CLASP2: variants seen among roughly 807,000 people sequenced by gnomAD.
CLASP2 encodes the protein CLIP-associating protein 2.
CLASP2 carries 47 observed loss-of-function variants against 194.4 expected under a neutral mutation model. The observed-to-expected ratio is 0.24, with a 90% CI of 0.19 to 0.31. The LOEUF (loss-of-function observed/expected upper bound fraction) is 0.31, where lower values mean the gene tolerates loss of function less well. Ranked by LOEUF, CLASP2 falls within the 10% of genes least tolerant of loss-of-function variation. CLASP2 has a pLI of 1.00. For synonymous variants in CLASP2, 619 were observed against 633.5 expected, an observed-to-expected ratio of 0.98 and a Z score of 0.34; for missense variants, 1,445 against 1,823.6, an observed-to-expected ratio of 0.79 and a Z score of 3.78.
intron 2 of CLASP2, among the ~76,000 whole-genome samples, chr3:33,695,440 G>C (rs1415335035): frequency 1.3e-5 from 2 of 151,712 alleles, no homozygotes; most frequent in Admixed American, 6.6e-5. Flanking sequence ...AAAGGATGAA[G>C]TGGAACCTGG....
At chr3:33,535,140 G>A in intron 34 of CLASP2, 93 bp downstream of exon 34, 1 of 812,280 alleles carries the variant, frequency 1.2e-6, no homozygotes, top group Non-Finnish European at 2.0e-6. Context: ...GTTACTTTTT[G>A]GGAGTTATAA....
In CLASP2 at chr3:33,682,764, G is replaced by A. The variant is rs78654180; in HGVS notation, c.644+1595C>T. Among the ~76,000 whole-genome samples, 940 of 152,170 alleles carry A rather than the reference G, an allele frequency of 6.2e-3. 11 individuals carry two copies. Among genetic ancestry groups the A allele is most frequent in the Admixed American group, 7.1e-3 (109 of 15,280 alleles). ...TAGTTGAACAGGTTTTAAGAGTAGT[G>A]ACTAATTTAAAAAACAAAAACAAAA... On this transcript the variant is annotated intron_variant, in intron 6 of 38. Transcript: ENST00000682230.
At chr3:33,663,304 G>T in intron 7 of CLASP2, 141 bp downstream of exon 7, 1 of 462,658 alleles carries the variant, frequency 2.2e-6, no homozygotes, top group African/African-American at 2.0e-5. Context: ...TCAGCAGGAT[G>T]TAAATATTTT....
At chr3:33,610,234 C>A (rs994266463) in intron 13 of CLASP2, among the ~76,000 whole-genome samples, 1 of 152,144 alleles carries the variant, frequency 6.6e-6, no homozygotes. Flanking sequence ...ATCACCTCCT[C>A]ACCAAAAATC....
chr3:33,711,675 G>GA (rs112686664), intron 1 of CLASP2, among the ~76,000 whole-genome samples: 3 of 149,748 alleles, frequency 2.0e-5, no homozygotes, highest in Admixed American at 6.6e-5. Context: ...AATCAGCAAG[G>GA]AAAAAAAAAC....
chr3:33,596,953 T>C (rs2070561206), intron 18 of CLASP2, among the ~76,000 whole-genome samples: 3 of 152,186 alleles, frequency 2.0e-5, no homozygotes, highest in Non-Finnish European at 4.4e-5. Context: ...TAAAAGTTGA[T>C]AATGAGTCTA....
intron 36 of CLASP2, 128 bp downstream of exon 36, chr3:33,515,895 T>C: frequency 2.4e-6 from 2 of 819,160 alleles, no homozygotes; most frequent in Non-Finnish European, 3.5e-6. Flanking sequence ...TGCATCTCGA[T>C]CAGGTATTAC....
rs142514251 is a variant in CLASP2 at position 33,523,071 on chromosome 3, A to G, written c.3788-5897T>C. Among the ~76,000 whole-genome samples the G allele has an allele frequency of 1.6e-3, 244 of 152,278 alleles. 8 individuals are homozygous for G. In the East Asian group the frequency reaches 0.035, roughly 22 times the overall value. The stretch of plus-strand genomic sequence containing the variant: ...AGCCTGGGAGCCAGAGAGAGACTCC[A>G]TCTCAAAAACAAAAAACAAACAAAC... On this transcript the variant is annotated intron_variant, in intron 34 of 38. Coordinates refer to ENST00000682230, the MANE Select transcript of CLASP2 (RefSeq NM_001365631.1).
chr3:33,696,863 A>T lies in CLASP2; in HGVS notation c.266T>A (p.Val89Glu). The T allele has an allele frequency of 6.3e-7, 1 of 1,584,934 alleles. No individual in the cohort carries two copies. The highest frequency in any genetic ancestry group is 8.6e-7 in the Non-Finnish European group (1 of 1,161,640). The change falls in exon 2 of 39, where the codon GTA becomes GAA. Residue 89 changes from valine to glutamate, a missense_variant. Val to Glu is a moderately radical substitution (Grantham distance 121). Transcript: ENST00000682230. ...AAACAAAGTTAACTTACCCATTGCT[A>T]CATAGGATTTAAAGCGTGTTGATAA... ...DRLSTRFKSY[V>E]AMVIVALIDR...
chr3:33,555,588 G>A (rs1473352658), intron 29 of CLASP2, among the ~76,000 whole-genome samples: 6 of 151,994 alleles, frequency 3.9e-5, no homozygotes, highest in Admixed American at 1.3e-4. Flanking sequence ...GGCTAGTCTC[G>A]AACTGCTGGG....
intron 13 of CLASP2, 31 bp from the exon 14 acceptor site, chr3:33,608,657 T>C (rs1251550155): frequency 1.4e-6 from 2 of 1,480,190 alleles, no homozygotes; most frequent in Non-Finnish European, 1.9e-6. Flanking sequence ...GATAACTAAA[T>C]GTTGTATTGA....
At chr3:33,670,090 A>T (rs372491641) in intron 6 of CLASP2, among the ~76,000 whole-genome samples, 1 of 152,326 alleles carries the variant, frequency 6.6e-6, no homozygotes, top group South Asian at 2.1e-4. Context: ...ACACATGCAC[A>T]CACATACATA....
intron 32 of CLASP2, among the ~76,000 whole-genome samples, chr3:33,541,879 A>T (rs1023899445): frequency 6.6e-6 from 1 of 152,122 alleles, no homozygotes; most frequent in Non-Finnish European, 1.5e-5. Context: ...GGCTCAAATT[A>T]TATTTCTGTC....
At chr3:33,687,690 C>A (rs746905012) in intron 4 of CLASP2, among the ~76,000 whole-genome samples, 1 of 152,168 alleles carries the variant, frequency 6.6e-6, no homozygotes, top group Non-Finnish European at 1.5e-5. Context: ...ATAGGAAAAG[C>A]TGAAAGCTAC....
intron 8 of CLASP2, among the ~76,000 whole-genome samples, chr3:33,642,732 A>G (rs2154306224): frequency 6.6e-6 from 1 of 152,040 alleles, no homozygotes; most frequent in African/African-American, 2.4e-5. Context: ...TTAAATTTTC[A>G]AAGGACTGAC....
intron 9 of CLASP2, among the ~76,000 whole-genome samples, chr3:33,627,617 A>G (rs2078281518): frequency 6.6e-6 from 1 of 152,168 alleles, no homozygotes; most frequent in South Asian, 2.1e-4. Flanking sequence ...GTACTATGCT[A>G]GGCAATGGAG....
intron 1 of CLASP2, among the ~76,000 whole-genome samples, chr3:33,716,420 T>C (rs1159122923): frequency 6.6e-6 from 1 of 152,198 alleles, no homozygotes; most frequent in African/African-American, 2.4e-5. Flanking sequence ...TCAACTGTCA[T>C]TCACTGAGGT....
At chr3:33,628,576 TAC>T (rs1369144606) in intron 9 of CLASP2, among the ~76,000 whole-genome samples, 1 of 152,160 alleles carries the variant, frequency 6.6e-6, no homozygotes. Flanking sequence ...AGTAATGGTT[TAC>T]ACACACAGAA....
intron 30 of CLASP2, among the ~76,000 whole-genome samples, chr3:33,550,996 G>T (rs1342097633): frequency 3.3e-5 from 5 of 152,210 alleles, no homozygotes; most frequent in Non-Finnish European, 7.3e-5. Context: ...CAAGGGGAAT[G>T]ATTTGAAATA....
Sources: allele counts gnomAD v4.1 joint callset (sites outside exome capture counted in the v4.1 genomes callset), GRCh38; gene constraint gnomAD v4.1.1; transcripts MANE v1.5; gene names NCBI Gene and HGNC (gene_info 2026-07-23, HGNC 2026-07-21).